The following ZNF346 variants were observed in gnomAD, a reference collection of about 807,000 sequenced individuals.
ZNF346 encodes double-stranded RNA-binding zinc finger protein JAZ.
ZNF346 carries 23 observed loss-of-function variants against 33.7 expected under a neutral mutation model. The observed-to-expected ratio is 0.68, with a 90% CI of 0.49 to 0.97. The LOEUF is 0.97. ZNF346 is among the 50% of genes least tolerant of loss of function. The pLI is 0.00. For synonymous variants in ZNF346, 134 were observed against 142.4 expected, an observed-to-expected ratio of 0.94 and a Z score of 0.42; for missense variants, 340 against 371.1, an observed-to-expected ratio of 0.92 and a Z score of 0.69.
At chr5:177,050,024 A>G (rs2149664045) in intron 4 of ZNF346, among the ~76,000 whole-genome samples, 1 of 152,328 alleles carries the variant, frequency 6.6e-6, no homozygotes, top group South Asian at 2.1e-4. Context: ...TTTAGGAGAG[A>G]CAGGGTTTCA....
intron 1 of ZNF346, among the ~76,000 whole-genome samples, chr5:177,040,214 G>A (rs1382207134): frequency 6.6e-6 from 1 of 151,282 alleles, no homozygotes; most frequent in Non-Finnish European, 1.5e-5. Context: ...ATGAACTTAT[G>A]CCTTGGGAGA....
In ZNF346 at chr5:177,077,192, A is replaced by G. The variant is rs1783791345; in HGVS notation, c.*3-2190A>G. 6.6e-6 allele frequency among the ~76,000 whole-genome samples: 1 copy of G among 152,246 alleles called. No individual in the cohort carries two copies. The highest frequency in any genetic ancestry group is 1.5e-5 in the Non-Finnish European group (1 of 68,050). ...AACTAATACAGGTCTTTTTCCTAAA[A>G]GCCATGGAAATTTATTAAAAGGTTT... On this transcript the variant is annotated intron_variant, in intron 8 of 8. Transcript: ENST00000503039. This position sits in a 1 kb window ranked among gnomAD's most constrained non-coding sequence, Gnocchi z 5.0.
At chr5:177,044,960 T>C (rs1354711978) in intron 4 of ZNF346, among the ~76,000 whole-genome samples, 1 of 152,206 alleles carries the variant, frequency 6.6e-6, no homozygotes, top group South Asian at 2.1e-4. Flanking sequence ...CTACTCACTT[T>C]AATCCTCAAA....
intron 2 of ZNF346, 33 bp from the exon 3 acceptor site, chr5:177,041,745 G>T (rs1421810933): frequency 7.3e-7 from 1 of 1,371,876 alleles, no homozygotes; most frequent in Non-Finnish European, 1.0e-6. Flanking sequence ...GTAGCATTTG[G>T]CTATCTTTGA....
chr5:177,037,041 G>C (rs757615789), intron 1 of ZNF346, among the ~76,000 whole-genome samples: 14 of 152,112 alleles, frequency 9.2e-5, no homozygotes, highest in Admixed American at 4.6e-4. Flanking sequence ...AATTGCTCTC[G>C]GATTGTTAAG....
chr5:177,028,324 T>G (rs1777121892), intron 1 of ZNF346, among the ~76,000 whole-genome samples: 1 of 150,834 alleles, frequency 6.6e-6, no homozygotes, highest in African/African-American at 2.4e-5. Flanking sequence ...ATTACAGATG[T>G]GAGGTCCCTG....
intron 1 of ZNF346, among the ~76,000 whole-genome samples, chr5:177,035,928 C>T (rs1181801591): frequency 2.6e-5 from 4 of 151,932 alleles, no homozygotes; most frequent in East Asian, 3.9e-4. Flanking sequence ...CGTGAGCTAC[C>T]GCACCCGGCC....
At chr5:177,062,674 G>A (rs1782691778) in intron 6 of ZNF346, among the ~76,000 whole-genome samples, 2 of 152,180 alleles carry the variant, frequency 1.3e-5, no homozygotes, top group South Asian at 4.1e-4. Context: ...TGTGATAAGG[G>A]TTTTGAAGGA....
intron 2 of ZNF346, among the ~76,000 whole-genome samples, chr5:177,041,511 C>T (rs1779334361): frequency 6.6e-6 from 1 of 152,186 alleles, no homozygotes; most frequent in South Asian, 2.1e-4. Context: ...AACTCTGCTA[C>T]TCATCTTGAG....
intron 1 of ZNF346, among the ~76,000 whole-genome samples, chr5:177,033,541 T>A (rs1468994494): frequency 2.0e-5 from 3 of 152,194 alleles, no homozygotes; most frequent in African/African-American, 7.2e-5. Context: ...TGTTTTGTTT[T>A]GAGATGGAGT....
chr5:177,026,989 C>T (rs1776877202), intron 1 of ZNF346, among the ~76,000 whole-genome samples: 1 of 152,032 alleles, frequency 6.6e-6, no homozygotes, highest in East Asian at 1.9e-4. Context: ...GAAGTGATTG[C>T]TATCTCATTT....
chr5:177,050,497 G>A (rs982287018), intron 4 of ZNF346, among the ~76,000 whole-genome samples: 4 of 152,114 alleles, frequency 2.6e-5, no homozygotes, highest in African/African-American at 4.8e-5. Flanking sequence ...AGTTAAAGCC[G>A]CTGAATGAAA....
chr5:177,074,353 G>A (rs549999850), intron 8 of ZNF346, among the ~76,000 whole-genome samples: 1 of 152,074 alleles, frequency 6.6e-6, no homozygotes, highest in African/African-American at 2.4e-5. Flanking sequence ...AAGTTGCCAA[G>A]TGGGAATGTC....
Position 177,029,818 on chromosome 5 carries a change from A to G in ZNF346, c.175+6905A>G, listed in dbSNP as rs117169363. Reference sequence around the variant, plus strand: ...AATTGAATCCAGGGGTGTCATGGAAACCTCGATTTATAGCCGGTTGGTCAG... The same window carrying G: ...AATTGAATCCAGGGGTGTCATGGAAGCCTCGATTTATAGCCGGTTGGTCAG... On this transcript the variant is annotated intron_variant, in intron 1 of 6. Coordinates refer to ENST00000358149, the MANE Select transcript of ZNF346 (RefSeq NM_012279.4). Among the ~76,000 whole-genome samples the G allele has an allele frequency of 2.7e-3, 411 of 152,276 alleles. 15 individuals are homozygous for G. In the East Asian group the frequency reaches 0.065, roughly 24 times the overall value.
intron 4 of ZNF346, among the ~76,000 whole-genome samples, chr5:177,047,119 G>A (rs1367385661): frequency 6.6e-6 from 1 of 151,562 alleles, no homozygotes; most frequent in Non-Finnish European, 1.5e-5. Context: ...CACGATCTCG[G>A]CTCACTGCAA....
At chr5:177,078,360 C>T (rs1043528874) in intron 8 of ZNF346, among the ~76,000 whole-genome samples, 7 of 152,150 alleles carry the variant, frequency 4.6e-5, no homozygotes, top group African/African-American at 1.2e-4. Context: ...ACTGCAGCTG[C>T]GAAACAGCAG....
intron 4 of ZNF346, among the ~76,000 whole-genome samples, chr5:177,049,310 T>A (rs1308550381): frequency 6.6e-6 from 1 of 152,090 alleles, no homozygotes; most frequent in Non-Finnish European, 1.5e-5. Flanking sequence ...GTGATACAGG[T>A]ATGGAAGAGC....
rs1776613935 is a variant in ZNF346, at chr5:177,025,404, T to C, written c.175+2491T>C. On this transcript the variant is annotated intron_variant, in intron 1 of 6. Transcript: ENST00000358149. ...AGTTTTTGTGTGAACATACATTTCA[T>C]TTCTTGAGTATATCCCTAAGAGTGG... Among the ~76,000 whole-genome samples the C allele has an allele frequency of 1.3e-5, 2 of 152,238 alleles. 1 individual carries two copies. The highest frequency in any genetic ancestry group is 4.1e-4 in the South Asian group (2 of 4,834).
chr5:177,041,800 T>A lies in ZNF346; in HGVS notation c.302T>A (p.Val101Glu). The change falls in exon 3 of 7, where the codon GTG becomes GAG. Residue 101 changes from valine (V) to glutamate (E), a missense_variant. Transcript: ENST00000358149. ...HYQSKKHANKVKRYLAIHGME... is the reference protein window; with the variant it reads ...HYQSKKHANKEKRYLAIHGME... ...CAGAGCAAAAAACATGCCAACAAAG[T>A]GAAGAGATACCTAGCAATCCATGGA... 6.2e-7 allele frequency: 1 copy of A among 1,613,338 alleles called. No individual in the cohort carries two copies. The highest frequency in any genetic ancestry group is 8.5e-7 in the Non-Finnish European group (1 of 1,179,568).
Sources: allele counts gnomAD v4.1 joint callset (sites outside exome capture counted in the v4.1 genomes callset), GRCh38; gene constraint gnomAD v4.1.1; non-coding constraint Gnocchi (gnomAD v3.1); transcripts MANE v1.5; gene names NCBI Gene and HGNC (gene_info 2026-07-23, HGNC 2026-07-21).